RARB: variants seen among roughly 807,000 people sequenced by gnomAD.
The protein encoded by RARB is HBV-activated protein.
In RARB, 17 loss-of-function variants were observed where a neutral mutation model predicts 51.9. That is an observed-to-expected ratio of 0.33 (90% confidence interval 0.22 to 0.49). The LOEUF (loss-of-function observed/expected upper bound fraction) is 0.49, where lower values mean the gene tolerates loss of function less well. RARB is among the 20% of genes least tolerant of loss of function. RARB has a pLI of 0.99. For missense variants in RARB, 369 were observed against 550.8 expected, an observed-to-expected ratio of 0.67 and a Z score of 3.30; for synonymous variants, 215 against 195.4, an observed-to-expected ratio of 1.10 and a Z score of -0.84.
intron 2 of RARB, among the ~76,000 whole-genome samples, chr3:24,883,956 G>A (rs1703225434): frequency 6.6e-6 from 1 of 152,088 alleles, no homozygotes; most frequent in African/African-American, 2.4e-5. Context: ...AGCAAAACCA[G>A]GTTGTTTTGG....
chr3:25,497,112 G>C (rs1043831150), intron 2 of RARB, among the ~76,000 whole-genome samples: 1 of 152,154 alleles, frequency 6.6e-6, no homozygotes, highest in African/African-American at 2.4e-5. Flanking sequence ...TCGAACTCCC[G>C]ACCCTCAGGT....
chr3:25,108,677 G>A (rs994876179), intron 3 of RARB, among the ~76,000 whole-genome samples: 1 of 152,178 alleles, frequency 6.6e-6, no homozygotes, highest in Non-Finnish European at 1.5e-5. Flanking sequence ...TGGTGTTTTT[G>A]TATAGAGAGT....
At chr3:25,057,200 A>G (rs1341745592) in intron 2 of RARB, among the ~76,000 whole-genome samples, 1 of 152,014 alleles carries the variant, frequency 6.6e-6, no homozygotes, top group Non-Finnish European at 1.5e-5. Flanking sequence ...CATTGAACCC[A>G]CAAACCAGCC....
chr3:24,897,616 A>G (rs1235677115), intron 2 of RARB, among the ~76,000 whole-genome samples: 1 of 152,226 alleles, frequency 6.6e-6, no homozygotes, highest in Non-Finnish European at 1.5e-5. Flanking sequence ...AATACTTGAT[A>G]CAATGATAAC....
intron 4 of RARB, among the ~76,000 whole-genome samples, chr3:25,171,133 T>C (rs1489450841): frequency 6.6e-6 from 1 of 152,156 alleles, no homozygotes; most frequent in South Asian, 2.1e-4. Flanking sequence ...CTGAAACTGA[T>C]ACCCAGAGAA....
At chr3:25,018,272 A>G (rs1697557597) in intron 2 of RARB, among the ~76,000 whole-genome samples, 1 of 152,150 alleles carries the variant, frequency 6.6e-6, no homozygotes, top group African/African-American at 2.4e-5. Context: ...TCCTGAAACT[A>G]TAGGCCATGA....
intron 5 of RARB, among the ~76,000 whole-genome samples, chr3:25,203,836 C>G (rs886110350): frequency 9.2e-5 from 14 of 152,308 alleles, no homozygotes; most frequent in African/African-American, 3.1e-4. Context: ...TGCGGGTAAC[C>G]TGACCTTTCT....
Position 25,288,164 on chromosome 3 carries a change from A to G in RARB, c.178+113589A>G, listed in dbSNP as rs79365630. ...AAATACTATAAAGAAGCTACAGGGA[A>G]TTGTCCAGGGTAGGTTATAGGTGAT... On this transcript the variant is annotated intron_variant, in intron 5 of 11. Transcript: ENST00000383772. 6.4e-3 allele frequency among the ~76,000 whole-genome samples: 971 copies of G among 152,312 alleles called. 9 individuals are homozygous for G. The highest frequency in any genetic ancestry group is 0.022 in the African/African-American group (924 of 41,580).
At chr3:25,066,338 T>C (rs1245460257) in intron 3 of RARB, among the ~76,000 whole-genome samples, 1 of 152,208 alleles carries the variant, frequency 6.6e-6, no homozygotes. Context: ...TGAGTTAAAA[T>C]TCAGGAGAGC....
intron 5 of RARB, among the ~76,000 whole-genome samples, chr3:25,192,123 G>A (rs972481119): frequency 3.9e-5 from 6 of 152,122 alleles, no homozygotes; most frequent in Non-Finnish European, 7.4e-5. Flanking sequence ...CATGAAGGTA[G>A]TGTCTTTGCT....
intron 2 of RARB, among the ~76,000 whole-genome samples, chr3:25,022,457 T>C (rs1697657795): frequency 6.6e-6 from 1 of 152,224 alleles, no homozygotes; most frequent in Non-Finnish European, 1.5e-5. Flanking sequence ...ATGCTGTTAA[T>C]GGGCAATGGG....
intron 3 of RARB, among the ~76,000 whole-genome samples, chr3:25,089,281 ATG>A (rs1699157365): frequency 6.6e-6 from 1 of 152,142 alleles, no homozygotes; most frequent in Non-Finnish European, 1.5e-5. Context: ...AAAAAAAAGT[ATG>A]TGTTTTTCAA....
At position 25,249,192 on chromosome 3, in the gene RARB, CT is replaced by C. The variant is rs538465247; in HGVS notation, c.178+74623del. Among the ~76,000 whole-genome samples the C allele has an allele frequency of 6.2e-3, 937 of 151,962 alleles. 12 individuals are homozygous for C. Among genetic ancestry groups the C allele is most frequent in the African/African-American group, 0.021 (862 of 41,460 alleles). ...CAACCTGTCTTCAAGTTCCGAAATT[CT>C]TTTTTCTCCTTGATCTAGTCTGTTA... On this transcript the variant is annotated intron_variant, in intron 5 of 11. Coordinates refer to the RARB transcript ENST00000383772.
chr3:25,397,355 C>G (rs1707144444), intron 5 of RARB, among the ~76,000 whole-genome samples: 2 of 152,196 alleles, frequency 1.3e-5, no homozygotes, highest in Admixed American at 1.3e-4. Flanking sequence ...TGGACTTCCC[C>G]CATCACACTT....
intron 5 of RARB, among the ~76,000 whole-genome samples, chr3:25,238,365 T>C (rs1702352974): frequency 6.6e-6 from 1 of 152,176 alleles, no homozygotes; most frequent in African/African-American, 2.4e-5. Flanking sequence ...TAGTATTCCA[T>C]TATATATACC....
intron 1 of RARB, among the ~76,000 whole-genome samples, chr3:24,855,775 TCA>T (rs1702624729): frequency 8.3e-6 from 1 of 120,606 alleles, no homozygotes; most frequent in African/African-American, 3.6e-5. Context: ...TGAGACAGAG[TCA>T]CTCTCTGTCG....
At chr3:25,242,096 C>T (rs1702446163) in intron 5 of RARB, among the ~76,000 whole-genome samples, 2 of 152,308 alleles carry the variant, frequency 1.3e-5, no homozygotes, top group Admixed American at 6.5e-5. Flanking sequence ...TTTTTGGCCA[C>T]ATAAATGTCT....
intron 2 of RARB, among the ~76,000 whole-genome samples, chr3:25,489,380 A>C (rs1286406384): frequency 6.6e-6 from 1 of 152,258 alleles, no homozygotes; most frequent in Non-Finnish European, 1.5e-5. Flanking sequence ...TTTACCAATG[A>C]AAATATAACT....
At chr3:25,256,697 C>G (rs1009847935) in intron 5 of RARB, among the ~76,000 whole-genome samples, 2 of 151,920 alleles carry the variant, frequency 1.3e-5, no homozygotes, top group African/African-American at 4.8e-5. Flanking sequence ...AAATGAAATT[C>G]TACGTAATCA....
Sources: allele counts gnomAD v4.1 joint callset (sites outside exome capture counted in the v4.1 genomes callset), GRCh38; gene constraint gnomAD v4.1.1; transcripts MANE v1.5; gene names NCBI Gene and HGNC (gene_info 2026-07-23, HGNC 2026-07-21).